The following CUBN variants were observed in gnomAD, a reference collection of about 807,000 sequenced individuals.
The protein encoded by CUBN is cubilin.
Under a neutral mutation model 405.3 loss-of-function variants are expected in CUBN, and 282 were observed. That is an observed-to-expected ratio of 0.70 (90% CI 0.63 to 0.77). The LOEUF is 0.77. Ranked by LOEUF, CUBN falls within the 30% of genes least tolerant of loss-of-function variation. The pLI is 0.00. For synonymous variants in CUBN, 1,684 were observed against 1,617.0 expected (o/e 1.04, Z -0.99); for missense variants, 4,514 against 4,475.2 (o/e 1.01, Z -0.25).
chr10:16,989,381 T>C (rs1454350083), intron 29 of CUBN, among the ~76,000 whole-genome samples: 1 of 144,884 alleles, frequency 6.9e-6, no homozygotes, highest in Non-Finnish European at 1.5e-5. Context: ...ATTGTAATTA[T>C]TAATTATTAT....
chr10:16,874,612 T>G, intron 57 of CUBN, 109 bp from the exon 58 acceptor site: 6 of 1,338,822 alleles, frequency 4.5e-6, no homozygotes, highest in Non-Finnish European at 6.2e-6. Context: ...AAAGAGGTAA[T>G]AATTATTTTT....
chr10:16,990,013 G>A (rs893029850), intron 29 of CUBN, among the ~76,000 whole-genome samples: 11 of 152,226 alleles, frequency 7.2e-5, no homozygotes, highest in African/African-American at 2.2e-4. Flanking sequence ...AGGTCCCAGC[G>A]GATGGAGCCC....
chr10:16,984,533 C>T lies in CUBN; in HGVS notation c.4351-254G>A, dbSNP rs142461320. On this transcript the variant is annotated intron_variant, in intron 29 of 66. Coordinates refer to ENST00000377833, the MANE Select transcript of CUBN (RefSeq NM_001081.4). Reference sequence around the variant, plus strand: ...CATCAGCCAGAATTGCAGAGGAGGACGGAGTAGATTATTCCAGAATCTTCC... The same window carrying T: ...CATCAGCCAGAATTGCAGAGGAGGATGGAGTAGATTATTCCAGAATCTTCC... Among the ~76,000 whole-genome samples, 203 of 152,178 alleles carry T rather than the reference C, an allele frequency of 1.3e-3. 4 individuals carry two copies. In the East Asian group the frequency reaches 0.029, roughly 22 times the overall value.
chr10:16,909,717 A>C (rs1841666492), intron 48 of CUBN, among the ~76,000 whole-genome samples: 1 of 152,228 alleles, frequency 6.6e-6, no homozygotes, highest in South Asian at 2.1e-4. Context: ...GTTAGAAGCA[A>C]CCAGAATGCA....
chr10:16,943,480 A>T (rs1842709741), intron 36 of CUBN, among the ~76,000 whole-genome samples: 1 of 152,132 alleles, frequency 6.6e-6, no homozygotes, highest in Non-Finnish European at 1.5e-5. Context: ...CATCTTTGGG[A>T]TGGCTGCCAA....
intron 40 of CUBN, among the ~76,000 whole-genome samples, chr10:16,928,507 T>TC (rs1842265532): frequency 2.1e-5 from 3 of 141,606 alleles, no homozygotes; most frequent in African/African-American, 7.9e-5. Flanking sequence ...CCCTTTTCTT[T>TC]ACCCCCACCC....
intron 31 of CUBN, among the ~76,000 whole-genome samples, chr10:16,978,166 C>T (rs1833153124): frequency 6.6e-6 from 1 of 152,112 alleles, no homozygotes. Context: ...AATGGCTTAC[C>T]AAGACTGCCA....
At chr10:16,944,393 G>A (rs766214721) in intron 36 of CUBN, among the ~76,000 whole-genome samples, 9 of 151,960 alleles carry the variant, frequency 5.9e-5, no homozygotes, top group African/African-American at 1.9e-4. Context: ...ATTTCTCCCC[G>A]TTCCTTTTTG....
intron 64 of CUBN, among the ~76,000 whole-genome samples, chr10:16,833,360 G>T (rs146007816): frequency 6.6e-6 from 1 of 152,108 alleles, no homozygotes; most frequent in Non-Finnish European, 1.5e-5. Context: ...TACATCTTTC[G>T]GTCTCCTGTC....
chr10:16,904,570 C>G (rs183684805), intron 50 of CUBN, among the ~76,000 whole-genome samples: 34 of 152,352 alleles, frequency 2.2e-4, no homozygotes, highest in African/African-American at 7.9e-4. Context: ...CCATATTCGG[C>G]ATTCAGGCCA....
At chr10:16,841,123 G>C in intron 60 of CUBN, 76 bp from the exon 61 acceptor site, 1 of 1,252,668 alleles carries the variant, frequency 8.0e-7, no homozygotes, top group Non-Finnish European at 1.2e-6. Flanking sequence ...TGGACGCGAA[G>C]TTGCAATAGG....
rs1432408224 is a variant in CUBN, at chr10:16,869,831, G to A, written c.9259C>T (p.Pro3087Ser). 1 of 1,612,940 alleles carries A rather than the reference G, an allele frequency of 6.2e-7. No homozygotes were observed. The highest frequency in any genetic ancestry group is 1.7e-4 in the Middle Eastern group (1 of 6,058). The change falls in exon 59 of 67, where the codon CCC becomes TCC. Residue 3087 changes from proline to serine, a missense_variant. Transcript: ENST00000377833. ...ELKFSDFDVV[P>S]STSCSHDYLA... ...TAGTCATGGGAGCAGGAGGTGGAGG[G>A]AACCACATCAAAATCACTGAACCTG...
At chr10:17,074,474 A>G (rs572630324) in intron 17 of CUBN, among the ~76,000 whole-genome samples, 1 of 152,292 alleles carries the variant, frequency 6.6e-6, no homozygotes, top group Non-Finnish European at 1.5e-5. Context: ...CATAAGTGAA[A>G]GTTCTGTTAT....
intron 51 of CUBN, among the ~76,000 whole-genome samples, chr10:16,903,197 C>A (rs554967184): frequency 6.6e-6 from 1 of 152,250 alleles, no homozygotes; most frequent in East Asian, 1.9e-4. Flanking sequence ...AAAGTTGAAT[C>A]ATCTCAATGG....
In CUBN at chr10:16,963,187, C is replaced by CTTTTTTTTTTTTTTTT. The variant is rs1189695066; in HGVS notation, c.4696-8640_4696-8639insAAAAAAAAAAAAAAAA. Among the ~76,000 whole-genome samples, 34 of 84,342 alleles carry CTTTTTTTTTTTTTTTT rather than the reference C, an allele frequency of 4.0e-4. 1 individual carries two copies. Among genetic ancestry groups the CTTTTTTTTTTTTTTTT allele is most frequent in the African/African-American group, 6.3e-4 (13 of 20,642 alleles). The allele number at this position is 84,342 out of a possible 152,430, so 55.3% of individuals were successfully genotyped here. On this transcript the variant is annotated intron_variant, in intron 31 of 66. Coordinates refer to ENST00000377833, the MANE Select transcript of CUBN (RefSeq NM_001081.4). ...ATACATTTCTTTTTTCTTTTCTTTT[C>CTTTTTTTTTTTTTTTT]TTTTTTTTCTTTTTTTTTTTTTTTT...
rs113203537 is a variant in CUBN at position 16,829,301 on chromosome 10, C to G, written c.10529-261G>C. Among the ~76,000 whole-genome samples the G allele has an allele frequency of 3.0e-3, 447 of 146,912 alleles. 1 individual carries two copies. Among genetic ancestry groups the G allele is most frequent in the African/African-American group, 0.011 (429 of 39,452 alleles). ...TATCACAACCCAGGGATAACTTCCT[C>G]CAGGACTGTACTTTGAAAATTGGGG... On this transcript the variant is annotated intron_variant, in intron 65 of 66. Transcript: ENST00000377833.
chr10:16,892,291 C>G (rs1031120217), intron 54 of CUBN, among the ~76,000 whole-genome samples: 1 of 152,012 alleles, frequency 6.6e-6, no homozygotes, highest in East Asian at 1.9e-4. Context: ...CTACTGAGAA[C>G]AAAAGTGCAG....
intron 22 of CUBN, among the ~76,000 whole-genome samples, chr10:17,057,873 A>G (rs1835427929): frequency 1.3e-5 from 2 of 152,168 alleles, no homozygotes; most frequent in South Asian, 4.1e-4. Flanking sequence ...CTGTAATCCC[A>G]GCACTTTGGG....
At chr10:16,973,234 C>A (rs569237834) in intron 31 of CUBN, among the ~76,000 whole-genome samples, 2 of 152,142 alleles carry the variant, frequency 1.3e-5, no homozygotes, top group Admixed American at 6.5e-5. Context: ...TGCAGCCTCC[C>A]CTCGTGGCCT....
Sources: allele counts gnomAD v4.1 joint callset (sites outside exome capture counted in the v4.1 genomes callset), GRCh38; gene constraint gnomAD v4.1.1; transcripts MANE v1.5; gene names NCBI Gene and HGNC (gene_info 2026-07-23, HGNC 2026-07-21).